Variants in USP53 observed in about 807,000 individuals in gnomAD.
USP53 encodes the protein ubiquitin carboxyl-terminal hydrolase 53.
USP53 carries 71 observed loss-of-function variants against 94.9 expected under a neutral mutation model. The ratio of observed to expected loss-of-function variants is 0.75; its 90% CI spans 0.62 to 0.91. USP53 has a LOEUF of 0.91. Among genes scored for constraint, USP53 ranks in the 40% least tolerant of loss-of-function variants. The pLI is 0.00. For missense variants in USP53, 1,173 were observed against 1,281.0 expected (o/e 0.92, Z 1.29); for synonymous variants, 375 against 422.7 (o/e 0.89, Z 1.39).
intron 7 of USP53, among the ~76,000 whole-genome samples, chr4:119,252,320 C>G (rs2149360332): frequency 6.6e-6 from 1 of 152,326 alleles, no homozygotes; most frequent in East Asian, 1.9e-4. Context: ...ACCAGCTCCT[C>G]TTTGTACCTC....
intron 17 of USP53, among the ~76,000 whole-genome samples, chr4:119,283,356 A>G (rs754480065): frequency 1.3e-5 from 2 of 152,006 alleles, no homozygotes; most frequent in Non-Finnish European, 2.9e-5. Flanking sequence ...GATAATGGCA[A>G]CAGGGATAGA....
At chr4:119,233,686 G>A (rs1024894442) in intron 3 of USP53, among the ~76,000 whole-genome samples, 2 of 152,066 alleles carry the variant, frequency 1.3e-5, no homozygotes, top group Admixed American at 1.3e-4. Context: ...TTCAATTGGT[G>A]AATATTATGT....
chr4:119,246,178 C>T (rs1748208632), intron 6 of USP53, among the ~76,000 whole-genome samples: 1 of 152,182 alleles, frequency 6.6e-6, no homozygotes, highest in African/African-American at 2.4e-5. Flanking sequence ...CTTCCTTATC[C>T]AAAATCTAAT....
rs113275675 is a variant in USP53 at position 119,235,689 on chromosome 4, A to G, written c.-543+278A>G. 2.7e-3 allele frequency among the ~76,000 whole-genome samples: 418 copies of G among 152,060 alleles called. 1 individual carries two copies. The highest frequency in any genetic ancestry group is 9.7e-3 in the African/African-American group (404 of 41,486). ...GTTCACATTTCTCCTGCCACACTAG[A>G]CTTTATATTACTATTTCTCCGCTAT... On this transcript the variant is annotated intron_variant, in intron 4 of 18. Transcript: ENST00000692078.
intron 3 of USP53, among the ~76,000 whole-genome samples, chr4:119,228,029 A>C (rs1745555871): frequency 6.6e-6 from 1 of 152,192 alleles, no homozygotes; most frequent in Admixed American, 6.5e-5. Context: ...GAATGTATTA[A>C]TTTTCTATTA....
chr4:119,250,650 G>A (rs939216109), intron 7 of USP53, among the ~76,000 whole-genome samples: 6 of 152,110 alleles, frequency 3.9e-5, no homozygotes, highest in Admixed American at 2.6e-4. Flanking sequence ...TAGAAGTCTA[G>A]GCTTAAATTA....
chr4:119,231,027 A>G (rs185652976), intron 3 of USP53, among the ~76,000 whole-genome samples: 53 of 152,252 alleles, frequency 3.5e-4, no homozygotes, highest in Admixed American at 8.5e-4. Context: ...AGTGGGTTGT[A>G]TTTCACTGAC....
intron 7 of USP53, among the ~76,000 whole-genome samples, chr4:119,254,488 A>G (rs544371074): frequency 1.9e-4 from 29 of 152,268 alleles, no homozygotes. Context: ...AATCACTGAT[A>G]TACTTTCTTC....
chr4:119,251,796 T>A (rs1749049230), intron 7 of USP53, among the ~76,000 whole-genome samples: 1 of 152,206 alleles, frequency 6.6e-6, no homozygotes, highest in East Asian at 1.9e-4. Flanking sequence ...AGAGAGGGCA[T>A]CCTTGTCTTG....
At chr4:119,232,262 T>C (rs1002573389) in intron 3 of USP53, among the ~76,000 whole-genome samples, 6 of 152,206 alleles carry the variant, frequency 3.9e-5, no homozygotes, top group Admixed American at 3.9e-4. Flanking sequence ...AAAGAAACTC[T>C]ATCTTTAACG....
intron 18 of USP53, among the ~76,000 whole-genome samples, chr4:119,292,098 A>G (rs943660922): frequency 1.1e-4 from 16 of 152,212 alleles, no homozygotes; most frequent in South Asian, 6.2e-4. Flanking sequence ...TAGAAATGGG[A>G]TTCTGGTAAT....
intron 1 of USP53, among the ~76,000 whole-genome samples, chr4:119,213,647 T>TTAGATATATATAGATATATATATAG (rs201030853): frequency 8.1e-6 from 1 of 123,084 alleles, no homozygotes. Context: ...AATAGATATA[T>TTAGATATATATAGATATATATATAG]ATATATATAT....
chr4:119,242,387 T>C (rs906354247), intron 5 of USP53, among the ~76,000 whole-genome samples: 1 of 152,212 alleles, frequency 6.6e-6, no homozygotes, highest in African/African-American at 2.4e-5. Context: ...CTTTGGTTAA[T>C]TTCTCTGCTA....
intron 4 of USP53, among the ~76,000 whole-genome samples, chr4:119,236,329 T>C (rs762311569): frequency 6.6e-6 from 1 of 152,258 alleles, no homozygotes; most frequent in African/African-American, 2.4e-5. Context: ...GTAATCTTTT[T>C]GGTGGTAGAG....
At chr4:119,215,889 T>C (rs1743672467) in intron 2 of USP53, among the ~76,000 whole-genome samples, 1 of 152,240 alleles carries the variant, frequency 6.6e-6, no homozygotes, top group Non-Finnish European at 1.5e-5. Context: ...TGAGGTGTCA[T>C]GGTATTTTTG....
At chr4:119,267,564 A>G in intron 13 of USP53, 82 bp downstream of exon 13, 1 of 1,362,302 alleles carries the variant, frequency 7.3e-7, no homozygotes, top group Admixed American at 2.7e-5. Flanking sequence ...ATATAAAATG[A>G]ATATAGAGGA....
rs375377342 is a variant in USP53, at chr4:119,245,375, G to A, written c.183G>A (p.Arg61=). ...WQLDIFRRSL[R]VLTGHVCQGD... ...TGGATATATTCCGACGAAGCTTGCG[G>A]GTTTTGACTGGACATGTTTGTCAGG... is the stretch of plus-strand genomic sequence containing the variant. The change falls in exon 6 of 19, where the codon CGG becomes CGA. Residue 61 remains arginine, a synonymous_variant. Coordinates refer to ENST00000692078, the MANE Select transcript of USP53 (RefSeq NM_001371395.1). 1.2e-6 allele frequency: 2 copies of A among 1,613,778 alleles called. No individual in the cohort carries two copies. The highest frequency in any genetic ancestry group is 4.5e-5 in the East Asian group (2 of 44,830).
chr4:119,256,678 C>A (rs1749816345), intron 9 of USP53, among the ~76,000 whole-genome samples, 155 bp downstream of exon 9: 1 of 152,126 alleles, frequency 6.6e-6, no homozygotes. Flanking sequence ...TGATGTCTAT[C>A]AAAGTTGGAT....
chr4:119,244,451 G>A (rs1578460203), intron 5 of USP53, among the ~76,000 whole-genome samples: 1 of 152,216 alleles, frequency 6.6e-6, no homozygotes, highest in African/African-American at 2.4e-5. Flanking sequence ...CTGAGGACAC[G>A]ACTAAAAGAG....
Sources: allele counts gnomAD v4.1 joint callset (sites outside exome capture counted in the v4.1 genomes callset), GRCh38; gene constraint gnomAD v4.1.1; transcripts MANE v1.5; gene names NCBI Gene and HGNC (gene_info 2026-07-23, HGNC 2026-07-21).